The following VIPR2 variants were observed in gnomAD, a reference collection of about 807,000 sequenced individuals.
VIPR2 encodes vasoactive intestinal polypeptide receptor 2.
A neutral mutation model predicts 58.0 loss-of-function variants in VIPR2; 48 were observed. That is an observed-to-expected ratio of 0.83 (90% CI 0.66 to 1.05). The LOEUF is 1.05. Ranked by LOEUF, VIPR2 falls within the 50% of genes least tolerant of loss-of-function variation. VIPR2 has a pLI of 0.00. For synonymous variants in VIPR2, 243 were observed against 235.2 expected (o/e 1.03, Z -0.30); for missense variants, 534 against 558.0 (o/e 0.96, Z 0.43).
chr7:159,036,758 C>T lies in VIPR2; in HGVS notation c.742G>A (p.Gly248Arg), dbSNP rs759787939. ...RRCFLAYLLI[G>R]WGLPTVCIGA... ...TGGGAAGGGGCACACTTACCCCATC[C>T]GATCAGGAGGTAGGCCAGGAAGCAC... Residue 248 changes from glycine to arginine, a missense_variant, in exon 7 of 13, where the codon GGA becomes AGA. Gly to Arg is a moderately radical substitution (Grantham distance 125). Transcript: ENST00000262178. The T allele has an allele frequency of 1.6e-5, 26 of 1,612,652 alleles. No homozygotes were observed. Among genetic ancestry groups the T allele is most frequent in the South Asian group, 6.6e-5 (6 of 90,866 alleles).
At chr7:159,135,017 TTTTTTTTTTTTTTA>T (rs1797150325) in intron 2 of VIPR2, among the ~76,000 whole-genome samples, 1 of 129,442 alleles carries the variant, frequency 7.7e-6, no homozygotes, top group Non-Finnish European at 1.6e-5. Context: ...TTTTTTTTTT[TTTTTTTTTTTTTTA>T]ACATTTTAAG....
chr7:159,116,393 C>T (rs1457564939), intron 2 of VIPR2, among the ~76,000 whole-genome samples: 3 of 152,150 alleles, frequency 2.0e-5, no homozygotes, highest in Non-Finnish European at 4.4e-5. Flanking sequence ...GGGTTGGCAC[C>T]GGCATGGTCA....
intron 1 of VIPR2, among the ~76,000 whole-genome samples, chr7:159,143,904 C>T (rs1427928785): frequency 2.0e-5 from 3 of 152,242 alleles, no homozygotes; most frequent in Non-Finnish European, 4.4e-5. Context: ...CCGCGCAAGG[C>T]CAGGGAGTGT....
chr7:159,064,563 C>T (rs1166615221), intron 4 of VIPR2, among the ~76,000 whole-genome samples: 2 of 152,078 alleles, frequency 1.3e-5, no homozygotes, highest in South Asian at 2.1e-4. Context: ...CACCCGCTGT[C>T]GGGTGGGGCT....
chr7:159,048,083 G>A (rs1854760513), intron 5 of VIPR2, among the ~76,000 whole-genome samples: 1 of 152,148 alleles, frequency 6.6e-6, no homozygotes, highest in Non-Finnish European at 1.5e-5. Flanking sequence ...GAATAAATAT[G>A]CAGAATATTT....
At position 159,142,337 on chromosome 7, in the gene VIPR2, C is replaced by CTTT. The variant is rs71302077; in HGVS notation, c.151+106_151+108dup. 3.9e-3 allele frequency: 2,434 copies of CTTT among 629,518 alleles called. 3 individuals carry two copies. The highest frequency in any genetic ancestry group is 9.5e-3 in the African/African-American group (489 of 51,596). 39.0% of individuals were successfully genotyped at this position (629,518 alleles called of 1,614,324 possible). The stretch of plus-strand genomic sequence containing the variant: ...ACAATGGGAAGTGGCCTTTCTTTTT[C>CTTT]TTTTTTTTTTTTTAAGATGCAGGTG... On this transcript the variant is annotated intron_variant, in intron 2 of 12. Transcript: ENST00000262178.
intron 4 of VIPR2, among the ~76,000 whole-genome samples, chr7:159,089,460 C>A (rs2129495218): frequency 6.6e-6 from 1 of 152,032 alleles, no homozygotes; most frequent in East Asian, 1.9e-4. Flanking sequence ...TAGCCTCAGG[C>A]CTCGGCTCCT....
In VIPR2 at chr7:159,085,442, C is replaced by T. The variant is rs150430880; in HGVS notation, c.357+18315G>A. ...TCCTGAGTAGCTGGAACTACAGGCA[C>T]GTGCCACCACGCCCGGCTAATTTTT... On this transcript the variant is annotated intron_variant, in intron 4 of 12. Transcript: ENST00000262178. 1.8e-3 allele frequency among the ~76,000 whole-genome samples: 271 copies of T among 152,254 alleles called. 1 individual carries two copies. Among genetic ancestry groups the T allele is most frequent in the African/African-American group, 6.1e-3 (252 of 41,540 alleles).
At chr7:159,120,209 T>A (rs537536155) in intron 2 of VIPR2, among the ~76,000 whole-genome samples, 189 of 152,260 alleles carry the variant, frequency 1.2e-3, no homozygotes, top group African/African-American at 4.4e-3. Context: ...GGGAAAAAAA[T>A]TTCGTGTTTT....
In VIPR2 at chr7:159,039,984, G is replaced by A. The variant is rs539795945; in HGVS notation, c.597+3051C>T. ...CTGAAAGCAGGCGCCGACCTGGTGG[G>A]GCCCTGGCACATTCTGCTGAAGGAG... On this transcript the variant is annotated intron_variant, in intron 6 of 12. Coordinates refer to ENST00000262178, the MANE Select transcript of VIPR2 (RefSeq NM_003382.5). 1.9e-4 allele frequency among the ~76,000 whole-genome samples: 29 copies of A among 152,348 alleles called. No individual in the cohort carries two copies. In the South Asian group the frequency reaches 6.0e-3, roughly 32 times the overall value.
At chr7:159,054,435 C>T (rs1415628723) in intron 5 of VIPR2, among the ~76,000 whole-genome samples, 5 of 152,084 alleles carry the variant, frequency 3.3e-5, no homozygotes, top group Admixed American at 6.5e-5. Flanking sequence ...CCGTAATACT[C>T]GTATGTAATG....
intron 4 of VIPR2, among the ~76,000 whole-genome samples, chr7:159,102,392 C>T (rs764819910): frequency 1.3e-5 from 2 of 152,208 alleles, no homozygotes; most frequent in Non-Finnish European, 2.9e-5. Flanking sequence ...CTCAGCCACA[C>T]GGAACTGTGA....
chr7:159,034,634 C>A lies in VIPR2; in HGVS notation c.826G>T (p.Asp276Tyr), dbSNP rs997266704. ...LEDTGCWDTN[D>Y]HSVPWWVIRI... ...ATGACCCACCAGGGCACACTGTGGTCGTTTGTATCCCAGCAACTGTCAGAG... is the reference window on the plus strand; with the variant it reads ...ATGACCCACCAGGGCACACTGTGGTAGTTTGTATCCCAGCAACTGTCAGAG... Residue 276 changes from aspartate (D) to tyrosine (Y), a missense_variant, in exon 9 of 13, where the codon GAC (aspartate) becomes TAC (tyrosine). This residue lies in a region of VIPR2 where 306 missense variants were observed against 285.8 expected (regional missense o/e 1.07). Coordinates refer to ENST00000262178, the MANE Select transcript of VIPR2 (RefSeq NM_003382.5). 2 of 1,613,790 alleles carry A rather than the reference C, an allele frequency of 1.2e-6. No individual in the cohort carries two copies. The highest frequency in any genetic ancestry group is 2.2e-5 in the South Asian group (2 of 91,030).
chr7:159,083,656 C>T (rs1205477236), intron 4 of VIPR2, among the ~76,000 whole-genome samples: 1 of 152,226 alleles, frequency 6.6e-6, no homozygotes, highest in East Asian at 1.9e-4. Flanking sequence ...TGCACAGCCC[C>T]GTTCTCTCGA....
chr7:159,116,725 T>C (rs1233415686), intron 2 of VIPR2, among the ~76,000 whole-genome samples: 1 of 152,134 alleles, frequency 6.6e-6, no homozygotes, highest in Non-Finnish European at 1.5e-5. Context: ...ACCGGTATGC[T>C]GGGAATTCCT....
At chr7:159,046,040 T>C (rs900068716) in intron 5 of VIPR2, among the ~76,000 whole-genome samples, 5 of 151,834 alleles carry the variant, frequency 3.3e-5, no homozygotes, top group Non-Finnish European at 5.9e-5. Flanking sequence ...TAGATGGCAA[T>C]AGTAATAATA....
intron 2 of VIPR2, among the ~76,000 whole-genome samples, chr7:159,126,531 G>A (rs927209466): frequency 3.9e-5 from 6 of 152,204 alleles, no homozygotes; most frequent in Non-Finnish European, 8.8e-5. Context: ...AAAACTAATA[G>A]AAGGAGCATG....
chr7:159,065,407 C>T (rs1355734062), intron 4 of VIPR2, among the ~76,000 whole-genome samples: 5 of 152,224 alleles, frequency 3.3e-5, no homozygotes, highest in Non-Finnish European at 7.3e-5. Context: ...TCTCGGGTCC[C>T]TTCCCTGCCC....
At chr7:159,030,887 C>T (rs1273154170) in intron 12 of VIPR2, 98 bp from the exon 13 acceptor site, 1 of 1,373,238 alleles carries the variant, frequency 7.3e-7, no homozygotes, top group Non-Finnish European at 9.5e-7. Context: ...CTCCCTCCCG[C>T]CTGCTCCCGT....
Sources: allele counts gnomAD v4.1 joint callset (sites outside exome capture counted in the v4.1 genomes callset), GRCh38; gene constraint gnomAD v4.1.1; regional missense constraint gnomAD v4.1.1; transcripts MANE v1.5; gene names NCBI Gene and HGNC (gene_info 2026-07-23, HGNC 2026-07-21).